Variants in DOCK11 observed in about 807,000 individuals in gnomAD.
DOCK11 encodes dedicator of cytokinesis 11, also known as dedicator of cytokinesis protein 11.
A neutral mutation model predicts 169.1 loss-of-function variants in DOCK11; 70 were observed. The observed-to-expected ratio is 0.41, with a 90% confidence interval of 0.34 to 0.51. The LOEUF (loss-of-function observed/expected upper bound fraction) is 0.51. Ranked by LOEUF, DOCK11 falls within the 20% of genes least tolerant of loss-of-function variation. The probability of loss-of-function intolerance (pLI) is 0.10; values close to 1 mark genes in which losing one functional copy is unlikely to be tolerated. For synonymous variants in DOCK11, 529 were observed against 541.3 expected, an observed-to-expected ratio of 0.98 and a Z score of 0.32; for missense variants, 1,166 against 1,538.8, an observed-to-expected ratio of 0.76 and a Z score of 4.05.
intron 44 of DOCK11, among the ~76,000 whole-genome samples, chrX:118,657,950 T>C (rs1325373549): frequency 9.0e-6 from 1 of 110,658 alleles, no homozygotes; most frequent in East Asian, 2.8e-4. Context: ...AAATCACCTC[T>C]TCCTCCAAAA....
At chrX:118,583,845 A>G (rs938938280) in intron 14 of DOCK11, among the ~76,000 whole-genome samples, 2 of 111,859 alleles carry the variant, frequency 1.8e-5, no homozygotes, top group African/African-American at 6.5e-5. Context: ...TGCAATGTAA[A>G]TGCTATATAA....
At chrX:118,583,049 C>T (rs2013702275) in intron 14 of DOCK11, among the ~76,000 whole-genome samples, 1 of 112,072 alleles carries the variant, frequency 8.9e-6, no homozygotes, top group Admixed American at 9.4e-5. Context: ...ACAATGATGA[C>T]TGGATAAAGA....
rs138152540 is a variant in DOCK11 at position 118,654,925 on chromosome X, G to A, written c.4933G>A (p.Val1645Ile). ...TCAGGCTGCGATGTGTTATGTCCAT[G>A]TAGCAGCTCTAGTTGCAGAGTTTCT... ...FSEAAMCYVHVAALVAEFLHR... is the reference protein window; with the variant it reads ...FSEAAMCYVHIAALVAEFLHR... Residue 1645 changes from valine to isoleucine, a missense_variant, in exon 44 of 53, where the codon GTA (valine) becomes ATA (isoleucine). Val to Ile is a conservative substitution (Grantham distance 29). Coordinates refer to ENST00000276202, the MANE Select transcript of DOCK11 (RefSeq NM_144658.4). 3,197 of 1,208,142 alleles carry A rather than the reference G, an allele frequency of 2.6e-3. 2 individuals carry two copies. The highest frequency in any genetic ancestry group is 3.2e-3 in the Non-Finnish European group (2,881 of 893,331).
At chrX:118,526,970 A>G (rs923124044) in intron 1 of DOCK11, among the ~76,000 whole-genome samples, 1 of 111,947 alleles carries the variant, frequency 8.9e-6, no homozygotes, top group Non-Finnish European at 1.9e-5. Context: ...ATGGGACTCC[A>G]AAAACATATA....
chrX:118,643,746 C>A, intron 40 of DOCK11, 152 bp downstream of exon 40: 1 of 618,094 alleles, frequency 1.6e-6, no homozygotes, highest in Non-Finnish European at 2.5e-6. Context: ...AACAACAAAG[C>A]ACACACAGAG....
At chrX:118,544,645 C>CTTTTTT (rs1157804079) in intron 4 of DOCK11, among the ~76,000 whole-genome samples, 415 of 23,371 alleles carry the variant, frequency 0.018, 92 homozygotes, top group Non-Finnish European at 0.026. Context: ...TACACTGTTG[C>CTTTTTT]TTTTTTTTTT....
chrX:118,604,216 G>GA (rs1199568361), intron 23 of DOCK11, among the ~76,000 whole-genome samples: 4 of 111,733 alleles, frequency 3.6e-5, no homozygotes, highest in Non-Finnish European at 7.5e-5. Flanking sequence ...GGGAGACATC[G>GA]AAAAAATCTT....
chrX:118,641,626 G>A (rs752824243), intron 39 of DOCK11, among the ~76,000 whole-genome samples: 10 of 111,669 alleles, frequency 9.0e-5, no homozygotes, highest in African/African-American at 2.6e-4. Context: ...GATTGGATCT[G>A]TTTGCCCAAA....
chrX:118,563,888 G>T (rs896371975), intron 7 of DOCK11, among the ~76,000 whole-genome samples: 14 of 110,214 alleles, frequency 1.3e-4, no homozygotes, highest in Non-Finnish European at 1.9e-4. Flanking sequence ...TTTTAGTAGA[G>T]ATGTTGTATA....
rs765115257 is a variant in DOCK11 at position 118,588,194 on chromosome X, T to C, written c.1853T>C (p.Ile618Thr). 1 of 1,204,581 alleles carries C rather than the reference T, an allele frequency of 8.3e-7. No individual in the cohort carries two copies. The highest frequency in any genetic ancestry group is 3.0e-5 in the East Asian group (1 of 33,817). The part of the protein sequence containing the change: ...LKPFEKNCQN[I>T]TVEVEEFVPE... ...CCTTTTGAAAAGAATTGCCAAAATA[T>C]TACTGTGGAGGTTGAAGAGTTTGTT... The change falls in exon 17 of 53, where the codon ATT becomes ACT. Residue 618 changes from isoleucine (I) to threonine (T), a missense_variant. Ile to Thr is a moderately conservative substitution (Grantham distance 89, BLOSUM62 -1). Coordinates refer to ENST00000276202, the MANE Select transcript of DOCK11 (RefSeq NM_144658.4).
intron 48 of DOCK11, among the ~76,000 whole-genome samples, chrX:118,676,998 T>C (rs1470171882): frequency 1.8e-5 from 2 of 111,553 alleles, no homozygotes; most frequent in African/African-American, 6.5e-5. Flanking sequence ...GAGATAATAA[T>C]AGTAGTATTT....
At chrX:118,645,616 C>T (rs763087986) in intron 40 of DOCK11, among the ~76,000 whole-genome samples, 127 of 109,121 alleles carry the variant, frequency 1.2e-3, no homozygotes, top group African/African-American at 3.6e-3. Context: ...GAGCCAAGAT[C>T]GCGCCACTGC....
chrX:118,537,245 G>A (rs113456907), intron 1 of DOCK11, among the ~76,000 whole-genome samples: 2 of 111,496 alleles, frequency 1.8e-5, no homozygotes, highest in Admixed American at 9.6e-5. Flanking sequence ...TAGTGGTGGC[G>A]TGGTGGTGCA....
intron 35 of DOCK11, chrX:118,634,343 G>A (rs1177741936): frequency 8.9e-6 from 1 of 112,403 alleles, no homozygotes; most frequent in Non-Finnish European, 1.9e-5. Flanking sequence ...TGGGAGGGAT[G>A]GCCTCGTCGC....
At chrX:118,516,532 CCT>C (rs1435179190) in intron 1 of DOCK11, among the ~76,000 whole-genome samples, 1 of 109,112 alleles carries the variant, frequency 9.2e-6, no homozygotes, top group Non-Finnish European at 1.9e-5. Context: ...TCCTTCTCCC[CCT>C]GAGTTCAAGC....
intron 1 of DOCK11, among the ~76,000 whole-genome samples, chrX:118,500,584 A>G (rs184831516): frequency 2.3e-3 from 253 of 110,814 alleles, no homozygotes; most frequent in African/African-American, 7.8e-3. Flanking sequence ...ACACACATAT[A>G]TGGATGGAAA....
At chrX:118,551,229 C>T (rs773702494) in intron 6 of DOCK11, among the ~76,000 whole-genome samples, 11 of 112,486 alleles carry the variant, frequency 9.8e-5, no homozygotes, top group Middle Eastern at 4.6e-3. Context: ...AAATAACAGC[C>T]TCCATAAGCC....
intron 6 of DOCK11, 44 bp from the exon 7 acceptor site, chrX:118,561,339 T>C (rs2012902525): frequency 1.8e-6 from 2 of 1,095,080 alleles, no homozygotes; most frequent in South Asian, 2.6e-5. Context: ...TCAAATGCAA[T>C]GTATATGTAA....
At chrX:118,581,632 T>A (rs760284827) in intron 14 of DOCK11, among the ~76,000 whole-genome samples, 2 of 104,161 alleles carry the variant, frequency 1.9e-5, no homozygotes, top group East Asian at 6.0e-4. Flanking sequence ...TGAAACCCTG[T>A]CTCTACTAAA....
Sources: gnomAD v4.1 joint callset for allele counts (sites outside exome capture counted in the v4.1 genomes callset) on GRCh38, gnomAD v4.1.1 for gene constraint, MANE v1.5 for transcripts, NCBI Gene and HGNC (gene_info 2026-07-23, HGNC 2026-07-21) for gene names.